PERM1: variants seen among roughly 807,000 people sequenced by gnomAD.
PERM1 encodes PGC-1 and ERR-induced regulator in muscle protein 1.
PERM1 carries 45 observed loss-of-function variants against 44.1 expected under a neutral mutation model. The ratio of observed to expected loss-of-function variants is 1.02; its 90% CI spans 0.80 to 1.31. PERM1 has a LOEUF of 1.31. Among genes scored for constraint, PERM1 ranks in the 50% most tolerant of loss-of-function variants. The pLI is 0.00. For synonymous variants in PERM1, 565 were observed against 477.1 expected (o/e 1.18, Z -2.40); for missense variants, 1,189 against 1,106.9 (o/e 1.07, Z -1.05).
upstream of PERM1, chr1:981,285 C>T: frequency 9.4e-7 from 1 of 1,064,846 alleles, no homozygotes; most frequent in Middle Eastern, 2.0e-4. Flanking sequence ...GTTCCCAACG[C>T]ACCCCAAATG....
At chr1:978,400 G>A (rs1464716936) in intron 1 of PERM1, among the ~76,000 whole-genome samples, 2 of 152,150 alleles carry the variant, frequency 1.3e-5, no homozygotes, top group African/African-American at 2.4e-5. Context: ...GGAACCGCCC[G>A]CCCTGGACGC....
At chr1:980,681 G>A in exon 1 of PERM1, 1 of 1,427,140 alleles carries the variant, frequency 7.0e-7, no homozygotes, top group Non-Finnish European at 9.1e-7. Flanking sequence ...CTGGCGCCGG[G>A]GCCGAGGGAC....
chr1:979,515 G>A (rs981441147), exon 1 of PERM1: 191 of 1,549,834 alleles, frequency 1.2e-4, no homozygotes, highest in Non-Finnish European at 1.6e-4. Context: ...CCACGGAGAA[G>A]CGCACTTTCT....
At chr1:979,760 C>G (rs1281284609) in exon 1 of PERM1, 6 of 1,550,354 alleles carry the variant, frequency 3.9e-6, no homozygotes, top group South Asian at 1.2e-5. Flanking sequence ...GAAGCCACCT[C>G]TAGCTTAGCC....
In PERM1 at chr1:980,299, A is replaced by G. The variant is rs759114761; in HGVS notation, c.731T>C (p.Val244Ala). Residue 244 changes from valine to alanine, a missense_variant, in exon 1 of 3, where the codon GTG (valine) becomes GCG (alanine). Around this residue, in one of 3 missense-constraint regions of PERM1, gnomAD observed 900 missense variants for 760.4 expected, o/e 1.18. Transcript: ENST00000433179. ...ACCTGGCCCTGGTCTGTCTTCCTGC[A>G]CAGGGGACCTGGGGCCAGGCTCAGG... 31 of 1,550,224 alleles carry G rather than the reference A, an allele frequency of 2.0e-5. 1 individual carries two copies. The African/African-American group carries it at 4.1e-4, about 21-fold the overall frequency.
At chr1:979,299 G>A (rs1194487926) in exon 1 of PERM1, 14 of 1,544,108 alleles carry the variant, frequency 9.1e-6, no homozygotes, top group African/African-American at 2.7e-5. Flanking sequence ...GGAGGGTCAC[G>A]GCAAAGCTGC....
chr1:980,676 G>C, exon 1 of PERM1: 1 of 1,427,724 alleles, frequency 7.0e-7, no homozygotes, highest in Non-Finnish European at 9.1e-7. Context: ...GAGGGCTGGC[G>C]CCGGGGCCGA....
rs182851001 is a variant in PERM1 at position 980,967 on chromosome 1, G to T, written c.63C>A (p.Thr21=). 4 of 1,472,108 alleles carry T rather than the reference G, an allele frequency of 2.7e-6. No individual in the cohort carries two copies. The East Asian group carries it at 1.0e-4, about 38-fold the overall frequency. 91.2% of individuals were successfully genotyped at this position (1,472,108 alleles called of 1,614,324 possible). ...CCTGCAGGAGGCCACACTCATCGGC[G>T]GTGGCTGAGAACTCGGCCCAGTCCT... The change falls in exon 1 of 3, where the codon ACC becomes ACA. Residue 21 remains threonine (T), a synonymous_variant. Coordinates refer to ENST00000433179, the Ensembl canonical transcript of PERM1.
At chr1:976,558 G>C (rs1466248435) in exon 2 of PERM1, 1 of 1,549,476 alleles carries the variant, frequency 6.5e-7, no homozygotes, top group African/African-American at 1.4e-5. Context: ...GGTGGCAAAA[G>C]CTACAAACAC....
At chr1:982,030 C>T (rs1643801665), upstream of PERM1, 1 of 1,287,446 alleles carries the variant, frequency 7.8e-7, no homozygotes, top group Non-Finnish European at 1.0e-6. Context: ...ATTGGGGCCC[C>T]TTGGGTCAGG....
At chr1:976,453 G>T in intron 2 of PERM1, 46 bp downstream of exon 3, 1 of 1,549,038 alleles carries the variant, frequency 6.5e-7, no homozygotes, top group South Asian at 1.2e-5. Context: ...AGCGCCCCTC[G>T]GTCTGGCTTC....
exon 1 of PERM1, chr1:979,698 A>G (rs1557659587): frequency 6.5e-7 from 1 of 1,550,296 alleles, no homozygotes; most frequent in Non-Finnish European, 8.7e-7. Context: ...GTGTAGACAC[A>G]AGCCCGCTGG....
At chr1:978,272 T>C (rs1160961834) in intron 1 of PERM1, among the ~76,000 whole-genome samples, 1 of 147,292 alleles carries the variant, frequency 6.8e-6, no homozygotes, top group Non-Finnish European at 1.5e-5. Flanking sequence ...TCATGGGACA[T>C]GTCTGTCCTA....
chr1:980,383 G>A (rs774605321), exon 1 of PERM1: 26 of 1,550,048 alleles, frequency 1.7e-5, no homozygotes, highest in South Asian at 7.1e-5. Flanking sequence ...CAGCTTTGCC[G>A]TCTCAGGACT....
rs1460049344 is a variant in PERM1 at position 980,405 on chromosome 1, GC to G, written c.624del (p.Leu209SerfsTer11). On this transcript the variant is annotated frameshift_variant, in exon 1 of 3. Coordinates refer to ENST00000433179, the Ensembl canonical transcript of PERM1. LOFTEE classifies it high-confidence loss of function. Reference sequence around the variant, plus strand: ...GCCGTCTCAGGACTGGCCGCAGGGAGCAGCGGGGAGCCCGTCTGGGCAGAAG... The same window carrying G: ...GCCGTCTCAGGACTGGCCGCAGGGAGAGCGGGGAGCCCGTCTGGGCAGAAG... 6.5e-7 allele frequency: 1 copy of G among 1,549,844 alleles called. No individual in the cohort carries two copies. The highest frequency in any genetic ancestry group is 8.7e-7 in the Non-Finnish European group (1 of 1,146,870).
chr1:979,022 G>C (rs1643704183), exon 1 of PERM1: 1 of 1,538,342 alleles, frequency 6.5e-7, no homozygotes, highest in East Asian at 2.5e-5. Context: ...ACGCCCTCAA[G>C]CCTGTCCTCC....
intron 1 of PERM1, 28 bp from the exon 3 acceptor site, chr1:976,652 A>G: frequency 6.5e-7 from 1 of 1,546,910 alleles, no homozygotes; most frequent in South Asian, 1.2e-5. Context: ...CTTCAGCCCC[A>G]CGGCTGCACT....
chr1:975,483 G>A (rs1355658492), exon 3 of PERM1: 3 of 152,324 alleles, frequency 2.0e-5, no homozygotes, highest in Admixed American at 2.0e-4. Context: ...TCCCGGGGAG[G>A]GGCTCGCGGC....
intron 1 of PERM1, 103 bp downstream of exon 2, chr1:978,778 C>G: frequency 1.7e-6 from 2 of 1,162,644 alleles, no homozygotes; most frequent in Non-Finnish European, 2.3e-6. Flanking sequence ...AGGGGATGAC[C>G]CAAGCCCGGC....
Sources: allele counts gnomAD v4.1 joint callset (sites outside exome capture counted in the v4.1 genomes callset), GRCh38; gene constraint gnomAD v4.1.1; regional missense constraint gnomAD v4.1.1; transcripts MANE v1.5; gene names NCBI Gene and HGNC (gene_info 2026-07-23, HGNC 2026-07-21).